The following SLC22A3 variants were observed in gnomAD, a reference collection of about 807,000 sequenced individuals.
The protein encoded by SLC22A3 is EMT organic cation transporter 3.
SLC22A3 carries 51 observed loss-of-function variants against 59.1 expected under a neutral mutation model. That is an observed-to-expected ratio of 0.86 (90% CI 0.69 to 1.09). The LOEUF (loss-of-function observed/expected upper bound fraction) is 1.09, where lower values mean the gene tolerates loss of function less well. Among genes scored for constraint, SLC22A3 ranks in the 50% least tolerant of loss-of-function variants. The probability of loss-of-function intolerance (pLI) is 0.00; values close to 1 mark genes in which losing one functional copy is unlikely to be tolerated. For synonymous variants in SLC22A3, 325 were observed against 292.0 expected, an observed-to-expected ratio of 1.11 and a Z score of -1.15; for missense variants, 711 against 726.3, an observed-to-expected ratio of 0.98 and a Z score of 0.24.
At chr6:160,433,736 AGTC>A (rs1366951056) in intron 5 of SLC22A3, among the ~76,000 whole-genome samples, 3 of 152,142 alleles carry the variant, frequency 2.0e-5, no homozygotes, top group African/African-American at 7.2e-5. Flanking sequence ...TTTTTTAAAA[AGTC>A]AAACTATCTA....
At chr6:160,393,534 G>A (rs1786348521) in intron 1 of SLC22A3, among the ~76,000 whole-genome samples, 2 of 147,610 alleles carry the variant, frequency 1.4e-5, no homozygotes, top group South Asian at 2.1e-4. Flanking sequence ...GTGAGAACAT[G>A]CGGTGTTTGG....
Position 160,447,549 on chromosome 6 carries a change from C to A in SLC22A3, c.1511-170C>A, listed in dbSNP as rs79286091. Among the ~76,000 whole-genome samples, 9 of 152,172 alleles carry A rather than the reference C, an allele frequency of 5.9e-5. No individual in the cohort carries two copies. In the East Asian group the frequency reaches 1.7e-3, roughly 29 times the overall value. ...TCAGGGTTTGAGGAAGGGAGAGAAC[C>A]TTTGAAGCTGTGGTAAGGGAGAGCT... On this transcript the variant is annotated intron_variant, in intron 9 of 10. Transcript: ENST00000275300.
At chr6:160,364,500 G>C (rs1488388917) in intron 1 of SLC22A3, among the ~76,000 whole-genome samples, 1 of 152,216 alleles carries the variant, frequency 6.6e-6, no homozygotes, top group Non-Finnish European at 1.5e-5. Context: ...ACAAGTCAAA[G>C]ATGCAGAAAT....
At chr6:160,349,833 T>A (rs1021874491) in intron 1 of SLC22A3, among the ~76,000 whole-genome samples, 2 of 152,158 alleles carry the variant, frequency 1.3e-5, no homozygotes, top group African/African-American at 4.8e-5. Context: ...AAGTTAATTT[T>A]AAAAAAAGAT....
At chr6:160,392,913 T>A (rs1786319344) in intron 1 of SLC22A3, among the ~76,000 whole-genome samples, 1 of 151,752 alleles carries the variant, frequency 6.6e-6, no homozygotes, top group South Asian at 2.1e-4. Flanking sequence ...TTATTATTAT[T>A]TTTAATACTG....
chr6:160,384,802 T>C (rs1042402691), intron 1 of SLC22A3, among the ~76,000 whole-genome samples: 1 of 152,116 alleles, frequency 6.6e-6, no homozygotes, highest in Non-Finnish European at 1.5e-5. Context: ...GGGGAAGCCA[T>C]CTCCACATGA....
At chr6:160,445,532 C>T (rs537305546) in intron 9 of SLC22A3, among the ~76,000 whole-genome samples, 1 of 152,278 alleles carries the variant, frequency 6.6e-6, no homozygotes, top group South Asian at 2.1e-4. Flanking sequence ...GAAGGACCCC[C>T]CAGCATCGTC....
At chr6:160,384,980 G>A (rs547846303) in intron 1 of SLC22A3, among the ~76,000 whole-genome samples, 10 of 152,144 alleles carry the variant, frequency 6.6e-5, no homozygotes, top group South Asian at 6.2e-4. Flanking sequence ...CCAGCGCTCC[G>A]GGTCCTGCTC....
At chr6:160,380,649 T>G (rs1785762498) in intron 1 of SLC22A3, among the ~76,000 whole-genome samples, 1 of 152,224 alleles carries the variant, frequency 6.6e-6, no homozygotes. Context: ...TCTTCTAATT[T>G]CTATAGAGTC....
At chr6:160,399,409 T>G (rs1357301882) in intron 2 of SLC22A3, among the ~76,000 whole-genome samples, 1 of 152,126 alleles carries the variant, frequency 6.6e-6, no homozygotes, top group Non-Finnish European at 1.5e-5. Context: ...TTGCTTCATC[T>G]GTGTTTTTTT....
chr6:160,418,378 C>CAAA (rs1451403059), intron 5 of SLC22A3, among the ~76,000 whole-genome samples: 23 of 152,308 alleles, frequency 1.5e-4, no homozygotes, highest in African/African-American at 5.3e-4. Context: ...GAAGGCTGCA[C>CAAA]TGTTGGTTTC....
chr6:160,427,204 C>T (rs549857838), intron 5 of SLC22A3, among the ~76,000 whole-genome samples: 3 of 152,234 alleles, frequency 2.0e-5, no homozygotes, highest in South Asian at 4.2e-4. Flanking sequence ...GACCCCACTG[C>T]CGACTTGCCA....
intron 5 of SLC22A3, among the ~76,000 whole-genome samples, chr6:160,416,465 T>TAA (rs201190049): frequency 0.044 from 6,308 of 142,330 alleles, 396 homozygotes; most frequent in African/African-American, 0.14. Flanking sequence ...AAGGCTTACT[T>TAA]AAAAAAAAAA....
intron 2 of SLC22A3, among the ~76,000 whole-genome samples, chr6:160,400,370 C>A (rs1786719572): frequency 6.6e-6 from 1 of 151,904 alleles, no homozygotes; most frequent in Non-Finnish European, 1.5e-5. Context: ...CAAATTCTAG[C>A]CTCCTCTAGC....
chr6:160,432,836 T>C (rs568552071), intron 5 of SLC22A3, among the ~76,000 whole-genome samples: 1 of 152,352 alleles, frequency 6.6e-6, no homozygotes, highest in South Asian at 2.1e-4. Context: ...AAATACAGAC[T>C]TTGCTATCAA....
At chr6:160,393,367 C>T (rs1786339526) in intron 1 of SLC22A3, among the ~76,000 whole-genome samples, 1 of 151,684 alleles carries the variant, frequency 6.6e-6, no homozygotes, top group African/African-American at 2.4e-5. Flanking sequence ...TATACATGTG[C>T]CATGTTGGTG....
intron 1 of SLC22A3, among the ~76,000 whole-genome samples, chr6:160,368,500 A>G (rs1428206200): frequency 1.3e-5 from 2 of 152,106 alleles, no homozygotes; most frequent in Non-Finnish European, 2.9e-5. Flanking sequence ...AACCTGCTTA[A>G]GTTCACCTGC....
chr6:160,359,111 G>A (rs1784935860), intron 1 of SLC22A3, among the ~76,000 whole-genome samples: 2 of 152,152 alleles, frequency 1.3e-5, no homozygotes, highest in South Asian at 4.1e-4. Flanking sequence ...TATGTTGTTT[G>A]TGGGCAGTTG....
intron 8 of SLC22A3, 141 bp downstream of exon 8, chr6:160,443,010 A>G: frequency 1.4e-6 from 1 of 716,098 alleles, no homozygotes. Flanking sequence ...TAAAGAAGAT[A>G]TGCTTTGAGT....
Sources: allele counts gnomAD v4.1 joint callset (sites outside exome capture counted in the v4.1 genomes callset), GRCh38; gene constraint gnomAD v4.1.1; transcripts MANE v1.5; gene names NCBI Gene and HGNC (gene_info 2026-07-23, HGNC 2026-07-21).